PARD3: variants seen among roughly 807,000 people sequenced by gnomAD.
The protein encoded by PARD3 is partitioning defective 3 homolog.
In PARD3, 75 loss-of-function variants were observed where a neutral mutation model predicts 155.4. The observed-to-expected ratio is 0.48, with a 90% CI of 0.40 to 0.58. The LOEUF (loss-of-function observed/expected upper bound fraction) is 0.58. Among genes scored for constraint, PARD3 ranks in the 20% least tolerant of loss-of-function variants. The probability of loss-of-function intolerance (pLI) is 0.00; values close to 1 mark genes in which losing one functional copy is unlikely to be tolerated. For synonymous variants in PARD3, 576 were observed against 610.5 expected (o/e 0.94, Z 0.83); for missense variants, 1,642 against 1,721.7 (o/e 0.95, Z 0.82).
intron 12 of PARD3, 61 bp downstream of exon 12, chr10:34,372,437 A>C (rs1258840688): frequency 8.3e-7 from 1 of 1,203,666 alleles, no homozygotes; most frequent in Non-Finnish European, 1.2e-6. Flanking sequence ...TAAATTAGTA[A>C]GAAGTTAGTT....
At chr10:34,689,081 G>C (rs549489653) in intron 2 of PARD3, among the ~76,000 whole-genome samples, 14 of 152,170 alleles carry the variant, frequency 9.2e-5, no homozygotes, top group African/African-American at 3.4e-4. Flanking sequence ...ATGCATCCAG[G>C]GGATATTCAC....
At chr10:34,146,595 T>A (rs1948517185) in intron 22 of PARD3, among the ~76,000 whole-genome samples, 1 of 152,198 alleles carries the variant, frequency 6.6e-6, no homozygotes, top group African/African-American at 2.4e-5. Flanking sequence ...GTGATGAAAA[T>A]CACAGTTTGG....
At chr10:34,177,445 T>C (rs866811343) in intron 22 of PARD3, among the ~76,000 whole-genome samples, 33 of 152,108 alleles carry the variant, frequency 2.2e-4, no homozygotes, top group African/African-American at 6.0e-4. Context: ...CCCAAATCAG[T>C]TTGACAAGTA....
intron 2 of PARD3, among the ~76,000 whole-genome samples, chr10:34,564,554 A>G (rs1430160663): frequency 1.3e-5 from 2 of 152,208 alleles, no homozygotes; most frequent in Admixed American, 6.5e-5. Flanking sequence ...TGTGTGATGG[A>G]GCTGCTGTAG....
chr10:34,406,776 T>C (rs1011239869), intron 5 of PARD3, among the ~76,000 whole-genome samples: 5 of 149,084 alleles, frequency 3.4e-5, no homozygotes, highest in African/African-American at 1.2e-4. Context: ...ATCAAAAATA[T>C]ATACAGAGAA....
chr10:34,544,495 G>A (rs1002608825), intron 2 of PARD3, among the ~76,000 whole-genome samples: 1 of 151,298 alleles, frequency 6.6e-6, no homozygotes, highest in Non-Finnish European at 1.5e-5. Flanking sequence ...GTTACATAAT[G>A]TATTGGCTCA....
intron 2 of PARD3, among the ~76,000 whole-genome samples, chr10:34,639,382 A>T: frequency 6.6e-6 from 1 of 151,920 alleles, no homozygotes; most frequent in Non-Finnish European, 1.5e-5. Flanking sequence ...TAAAAATAAA[A>T]GTAAAAAAAA....
At chr10:34,560,721 C>T (rs1186155379) in intron 2 of PARD3, among the ~76,000 whole-genome samples, 4 of 152,116 alleles carry the variant, frequency 2.6e-5, no homozygotes, top group East Asian at 3.9e-4. Flanking sequence ...GGGGTGGTTC[C>T]GGAACAGCAG....
intron 20 of PARD3, chr10:34,312,364 G>A (rs1326334054): frequency 3.7e-6 from 6 of 1,612,364 alleles, no homozygotes; most frequent in African/African-American, 2.7e-5. Context: ...ATCTCTTCTC[G>A]GGCTTCAGTT....
chr10:34,144,153 AC>A (rs1226499510), intron 22 of PARD3, among the ~76,000 whole-genome samples: 1 of 152,210 alleles, frequency 6.6e-6, no homozygotes, highest in African/African-American at 2.4e-5. Context: ...TTTTGGAGTT[AC>A]TGATAGATTG....
chr10:34,802,562 A>T (rs926875770), intron 1 of PARD3, among the ~76,000 whole-genome samples: 6 of 152,216 alleles, frequency 3.9e-5, no homozygotes, highest in Admixed American at 6.5e-5. Context: ...TTATGTGTCA[A>T]AGCTTTGGTC....
At chr10:34,539,596 G>A (rs1478782847) in intron 2 of PARD3, among the ~76,000 whole-genome samples, 1 of 152,154 alleles carries the variant, frequency 6.6e-6, no homozygotes, top group Admixed American at 6.5e-5. Context: ...GGGAGGCAGA[G>A]GTTGCAGTGA....
chr10:34,664,950 C>T (rs2093413598), intron 2 of PARD3, among the ~76,000 whole-genome samples: 1 of 151,502 alleles, frequency 6.6e-6, no homozygotes, highest in Non-Finnish European at 1.5e-5. Flanking sequence ...GTAGACAGTA[C>T]AGAACTGCTT....
intron 22 of PARD3, among the ~76,000 whole-genome samples, chr10:34,186,382 C>A (rs1200941732): frequency 1.3e-5 from 2 of 148,208 alleles, no homozygotes; most frequent in African/African-American, 4.9e-5. Context: ...AAAAAGAAAC[C>A]CAGCCTGCCT....
At chr10:34,617,236 G>T (rs543723056) in intron 2 of PARD3, among the ~76,000 whole-genome samples, 1 of 151,810 alleles carries the variant, frequency 6.6e-6, no homozygotes, top group Non-Finnish European at 1.5e-5. Flanking sequence ...CAGCCTGGGC[G>T]ACAGAGCAAG....
intron 1 of PARD3, among the ~76,000 whole-genome samples, chr10:34,771,746 G>A (rs1838893374): frequency 6.6e-6 from 1 of 152,186 alleles, no homozygotes. Flanking sequence ...CTGGTATACA[G>A]AAAAGAACTG....
chr10:34,345,518 A>C (rs2134347227), intron 15 of PARD3: 1 of 985,400 alleles, frequency 1.0e-6, no homozygotes, highest in Middle Eastern at 5.2e-4. Context: ...AGTGATTCCA[A>C]ACATATAGAA....
At chr10:34,420,464 G>C (rs866818111) in intron 5 of PARD3, among the ~76,000 whole-genome samples, 4 of 152,172 alleles carry the variant, frequency 2.6e-5, no homozygotes, top group Admixed American at 1.3e-4. Flanking sequence ...TAAAGAGGAT[G>C]AAACAGTTAA....
At chr10:34,217,809 C>A (rs928770972) in intron 22 of PARD3, among the ~76,000 whole-genome samples, 1 of 152,120 alleles carries the variant, frequency 6.6e-6, no homozygotes, top group Non-Finnish European at 1.5e-5. Flanking sequence ...CAATGTTGAA[C>A]AAGACAGGCA....
Sources: allele counts gnomAD v4.1 joint callset (sites outside exome capture counted in the v4.1 genomes callset), GRCh38; gene constraint gnomAD v4.1.1; transcripts MANE v1.5; gene names NCBI Gene and HGNC (gene_info 2026-07-23, HGNC 2026-07-21).